The following DMXL1 variants were observed in gnomAD, a reference collection of about 807,000 sequenced individuals.
DMXL1 encodes the protein dmX-like protein 1.
Under a neutral mutation model 319.2 loss-of-function variants are expected in DMXL1, and 99 were observed. The observed-to-expected ratio is 0.31, with a 90% CI of 0.26 to 0.37. The LOEUF is 0.37. DMXL1 is among the 10% of genes least tolerant of loss of function. The pLI is 1.00. For missense variants in DMXL1, 3,745 were observed against 3,595.6 expected, an observed-to-expected ratio of 1.04 and a Z score of -1.06; for synonymous variants, 1,385 against 1,235.2, an observed-to-expected ratio of 1.12 and a Z score of -2.54.
chr5:119,175,135 A>G (rs540301027), intron 25 of DMXL1, 126 bp from the exon 26 acceptor site: 131 of 569,892 alleles, frequency 2.3e-4, no homozygotes, highest in Admixed American at 1.2e-3. Flanking sequence ...AAAAGGAAAT[A>G]GTTCATGAAG....
intron 39 of DMXL1, among the ~76,000 whole-genome samples, chr5:119,236,085 A>G (rs1409001536): frequency 6.6e-6 from 1 of 152,160 alleles, no homozygotes; most frequent in Admixed American, 6.6e-5. Context: ...TAGTAGAGAA[A>G]TAGATAAAAC....
Position 119,223,231 on chromosome 5 carries a change from A to G in DMXL1, c.8278-1478A>G, listed in dbSNP as rs1037003117. 3.3e-5 allele frequency among the ~76,000 whole-genome samples: 5 copies of G among 151,688 alleles called. No individual in the cohort carries two copies. In the East Asian group the frequency reaches 9.7e-4, roughly 29 times the overall value. ...ACTACCATGCCCGGCTAATTTTTGT[A>G]TTTTTAGTAGAGATGGGGTTTTGCC... On this transcript the variant is annotated intron_variant, in intron 37 of 43. Coordinates refer to ENST00000539542, the MANE Select transcript of DMXL1 (RefSeq NM_001290321.3).
chr5:119,241,867 C>T (rs981336110), intron 42 of DMXL1, among the ~76,000 whole-genome samples: 7 of 152,232 alleles, frequency 4.6e-5, no homozygotes, highest in East Asian at 1.9e-4. Context: ...AGTATATACT[C>T]GCAACACTTG....
intron 13 of DMXL1, among the ~76,000 whole-genome samples, chr5:119,135,650 A>T (rs937185880): frequency 6.6e-6 from 1 of 152,132 alleles, no homozygotes; most frequent in Non-Finnish European, 1.5e-5. Context: ...TGTTCTCATG[A>T]TAGTGAGGGA....
chr5:119,170,699 A>C lies in DMXL1; in HGVS notation c.5908A>C (p.Ser1970Arg). ...QDDSLELKWD[S>R]DNDEENEDVP... ...TGACTCTTTAGAGTTAAAATGGGAC[A>C]GTGATAATGATGAAGAAAATGAGGA... Residue 1970 changes from serine (S) to arginine (R), a missense_variant, in exon 24 of 44, where the codon AGT (serine) becomes CGT (arginine). By Grantham distance (110) the Ser-to-Arg change is moderately radical (BLOSUM62 -1). Coordinates refer to ENST00000539542, the MANE Select transcript of DMXL1 (RefSeq NM_001290321.3). The C allele has an allele frequency of 6.2e-7, 1 of 1,613,562 alleles. No homozygotes were observed. Among genetic ancestry groups the C allele is most frequent in the Non-Finnish European group, 8.5e-7 (1 of 1,179,866 alleles).
chr5:119,234,729 C>A (rs1355628600), intron 39 of DMXL1, among the ~76,000 whole-genome samples: 1 of 152,068 alleles, frequency 6.6e-6, no homozygotes, highest in Non-Finnish European at 1.5e-5. Flanking sequence ...TTATATTGCT[C>A]CTAACTAATC....
Position 119,113,152 on chromosome 5 carries a change from A to G in DMXL1, c.498-1323A>G, listed in dbSNP as rs138915135. 2.8e-3 allele frequency among the ~76,000 whole-genome samples: 433 copies of G among 152,346 alleles called. 4 individuals carry two copies. The highest frequency in any genetic ancestry group is 0.01 in the African/African-American group (423 of 41,586). On this transcript the variant is annotated intron_variant, in intron 5 of 43. Transcript: ENST00000539542. ...TATATGTAAACATATACAGTGGAATATAAGCCAGTAAAGTAATAATGTAGA... is the reference window on the plus strand; with the variant it reads ...TATATGTAAACATATACAGTGGAATGTAAGCCAGTAAAGTAATAATGTAGA...
Position 119,247,216 on chromosome 5 carries a change from A to G in DMXL1, c.9144A>G (p.Leu3048=), listed in dbSNP as rs1338724374. ...TGAAAAATGATGTGAAATTTATGCT[A>G]TAACATTTTTACAATAAGATGTACA... The part of the protein sequence containing the change: ...EVLKNDVKFM[L] Residue 3048 remains leucine (L), a synonymous_variant, in exon 44 of 44, where the codon CTA becomes CTG. Transcript: ENST00000539542. 2.5e-6 allele frequency: 4 copies of G among 1,606,838 alleles called. No individual in the cohort carries two copies. The highest frequency in any genetic ancestry group is 2.7e-5 in the African/African-American group (2 of 74,752).
chr5:119,125,492 A>G (rs1273479009), intron 9 of DMXL1, among the ~76,000 whole-genome samples: 1 of 152,202 alleles, frequency 6.6e-6, no homozygotes, highest in Non-Finnish European at 1.5e-5. Context: ...ACAAAAATGA[A>G]TTACTAATGA....
At chr5:119,229,945 G>A (rs1052317895) in intron 38 of DMXL1, among the ~76,000 whole-genome samples, 1 of 152,104 alleles carries the variant, frequency 6.6e-6, no homozygotes, top group Admixed American at 6.6e-5. Flanking sequence ...GAAGCCAAAA[G>A]TAGATAAGCT....
intron 28 of DMXL1, among the ~76,000 whole-genome samples, chr5:119,184,644 C>G (rs1221408150): frequency 6.6e-6 from 1 of 152,124 alleles, no homozygotes; most frequent in Non-Finnish European, 1.5e-5. Context: ...AAACAATTCC[C>G]CCACTTCATA....
intron 10 of DMXL1, among the ~76,000 whole-genome samples, chr5:119,131,585 A>ATTCCAG (rs1360870151): frequency 6.6e-6 from 1 of 152,208 alleles, no homozygotes; most frequent in African/African-American, 2.4e-5. Flanking sequence ...TCCAATTCCA[A>ATTCCAG]TTCCTTCTTT....
intron 19 of DMXL1, among the ~76,000 whole-genome samples, chr5:119,160,375 C>T (rs535333354): frequency 2.0e-3 from 300 of 152,234 alleles, no homozygotes; most frequent in African/African-American, 6.8e-3. Flanking sequence ...TTTCTCATTT[C>T]ATACTATTGT....
chr5:119,116,039 C>A, intron 6 of DMXL1, 119 bp from the exon 7 acceptor site: 2 of 867,934 alleles, frequency 2.3e-6, no homozygotes, highest in Non-Finnish European at 3.4e-6. Flanking sequence ...CCTCTGTGCT[C>A]AACGTCTCTT....
intron 39 of DMXL1, among the ~76,000 whole-genome samples, chr5:119,235,691 A>G (rs541109499): frequency 2.0e-5 from 3 of 152,228 alleles, no homozygotes; most frequent in South Asian, 2.1e-4. Context: ...AGAGAATCCT[A>G]TAAGGTTCTA....
At chr5:119,146,634 C>CA (rs1272100730) in intron 15 of DMXL1, among the ~76,000 whole-genome samples, 1 of 151,888 alleles carries the variant, frequency 6.6e-6, no homozygotes, top group African/African-American at 2.4e-5. Flanking sequence ...AAATAGCATA[C>CA]ATATTATTGT....
intron 28 of DMXL1, among the ~76,000 whole-genome samples, chr5:119,183,024 A>G (rs770347073): frequency 2.4e-4 from 37 of 152,174 alleles, no homozygotes; most frequent in Non-Finnish European, 5.0e-4. Context: ...CTTTATCTTA[A>G]TAAATTCATA....
intron 9 of DMXL1, among the ~76,000 whole-genome samples, chr5:119,125,913 T>A (rs1482870336): frequency 6.6e-6 from 1 of 152,168 alleles, no homozygotes; most frequent in Non-Finnish European, 1.5e-5. Flanking sequence ...ATAAAAAAGC[T>A]CTGTATGTAC....
chr5:119,074,288 A>G (rs1274282117), intron 1 of DMXL1, among the ~76,000 whole-genome samples: 1 of 152,248 alleles, frequency 6.6e-6, no homozygotes, highest in African/African-American at 2.4e-5. Context: ...CATTAATGGT[A>G]GATGGTATGT....
Sources: allele counts gnomAD v4.1 joint callset (sites outside exome capture counted in the v4.1 genomes callset), GRCh38; gene constraint gnomAD v4.1.1; transcripts MANE v1.5; gene names NCBI Gene and HGNC (gene_info 2026-07-23, HGNC 2026-07-21).